Variants in CTNNA2 observed in about 807,000 individuals in gnomAD.
CTNNA2 encodes the protein catenin alpha 2.
Under a neutral mutation model 101.0 loss-of-function variants are expected in CTNNA2, and 42 were observed. The ratio of observed to expected loss-of-function variants is 0.42; its 90% CI spans 0.32 to 0.54. CTNNA2 has a LOEUF of 0.54. Among genes scored for constraint, CTNNA2 ranks in the 20% least tolerant of loss-of-function variants. The probability of loss-of-function intolerance (pLI) is 0.14; values close to 1 mark genes in which losing one functional copy is unlikely to be tolerated. For synonymous variants in CTNNA2, 450 were observed against 456.4 expected, an observed-to-expected ratio of 0.99 and a Z score of 0.18; for missense variants, 871 against 1,223.1, an observed-to-expected ratio of 0.71 and a Z score of 4.29.
In CTNNA2 at chr2:80,280,284, T is replaced by C. The variant is rs188354083; in HGVS notation, c.1057-112927T>C. Among the ~76,000 whole-genome samples the C allele has an allele frequency of 3.9e-4, 58 of 149,846 alleles. No individual in the cohort carries two copies. In the East Asian group the frequency reaches 8.3e-3, roughly 21 times the overall value. Reference sequence around the variant, plus strand: ...GAGTATGTGCTGGTGCTGATAGTAATAATTCATTATTTCTTTTGCCAACTG... The same window carrying C: ...GAGTATGTGCTGGTGCTGATAGTAACAATTCATTATTTCTTTTGCCAACTG... On this transcript the variant is annotated intron_variant, in intron 7 of 18. Coordinates refer to ENST00000402739, the MANE Select transcript of CTNNA2 (RefSeq NM_001282597.3).
chr2:80,242,955 C>T (rs1219048839), intron 7 of CTNNA2, among the ~76,000 whole-genome samples: 1 of 152,164 alleles, frequency 6.6e-6, no homozygotes, highest in Non-Finnish European at 1.5e-5. Flanking sequence ...GGGCCAGAAA[C>T]AGTTTCTGGA....
At chr2:80,569,442 T>G (rs1171970084) in intron 12 of CTNNA2, among the ~76,000 whole-genome samples, 2 of 151,956 alleles carry the variant, frequency 1.3e-5, no homozygotes, top group African/African-American at 2.4e-5. Context: ...GCCTACAGTT[T>G]TTGGATGTAA....
rs964897625 is a variant in CTNNA2 at position 80,302,707 on chromosome 2, G to T, written c.1057-90504G>T. On this transcript the variant is annotated intron_variant, in intron 7 of 18. Coordinates refer to ENST00000402739, the MANE Select transcript of CTNNA2 (RefSeq NM_001282597.3). The surrounding 1 kb of genome is among the most constrained non-coding windows in gnomAD (Gnocchi z 6.4). The stretch of plus-strand genomic sequence containing the variant: ...TGGTGACGGCCGAGAGCAGGTGGCC[G>T]CTGGTGGGCTCGGCCCCATCCTCGC... 5 of 1,612,688 alleles carry T rather than the reference G, an allele frequency of 3.1e-6. No individual in the cohort carries two copies. The highest frequency in any genetic ancestry group is 3.4e-6 in the Non-Finnish European group (4 of 1,179,770).
intron 2 of CTNNA2, among the ~76,000 whole-genome samples, chr2:79,654,467 A>T (rs1382026797): frequency 6.6e-5 from 10 of 152,196 alleles, no homozygotes; most frequent in Non-Finnish European, 1.0e-4. Context: ...TTTTAGAGCC[A>T]GTAGCACAAT....
intron 2 of CTNNA2, among the ~76,000 whole-genome samples, chr2:79,214,779 A>G (rs1674225700): frequency 6.6e-6 from 1 of 152,096 alleles, no homozygotes; most frequent in Admixed American, 6.5e-5. Context: ...TGGTTAAAAT[A>G]TCTCGGCCTA....
intron 7 of CTNNA2, among the ~76,000 whole-genome samples, chr2:80,049,330 A>G (rs1696723494): frequency 1.3e-5 from 2 of 152,176 alleles, no homozygotes; most frequent in South Asian, 4.1e-4. Context: ...ATCAACCGTC[A>G]TCTGAAAGAC....
intron 2 of CTNNA2, among the ~76,000 whole-genome samples, chr2:79,266,310 T>C (rs1244605369): frequency 6.6e-6 from 1 of 152,114 alleles, no homozygotes; most frequent in African/African-American, 2.4e-5. Flanking sequence ...AAGAACAAAT[T>C]CCCCAACTCC....
chr2:79,708,676 A>T (rs1036420407), intron 2 of CTNNA2, among the ~76,000 whole-genome samples: 2 of 134,786 alleles, frequency 1.5e-5, no homozygotes, highest in Admixed American at 1.4e-4. Context: ...AGGATAATTT[A>T]GGAGAACTCA....
intron 2 of CTNNA2, among the ~76,000 whole-genome samples, chr2:79,714,702 A>G (rs1345828332): frequency 2.0e-5 from 3 of 152,188 alleles, no homozygotes; most frequent in Non-Finnish European, 2.9e-5. Flanking sequence ...GTGGAGAGAA[A>G]GCTTTCATTT....
intron 2 of CTNNA2, among the ~76,000 whole-genome samples, chr2:79,308,512 T>A (rs1368967): frequency 0.18 from 27,217 of 152,176 alleles, 2,831 homozygotes; most frequent in African/African-American, 0.29. Context: ...GCTTGATATA[T>A]TCCCATTTGT....
At chr2:80,003,941 G>T (rs562488913) in intron 7 of CTNNA2, among the ~76,000 whole-genome samples, 20 of 152,232 alleles carry the variant, frequency 1.3e-4, no homozygotes, top group African/African-American at 4.8e-4. Flanking sequence ...TAAGGCTTGG[G>T]CATCACCCTG....
chr2:80,594,394 A>G (rs949568924), intron 15 of CTNNA2, among the ~76,000 whole-genome samples: 16 of 151,928 alleles, frequency 1.1e-4, no homozygotes, highest in Admixed American at 1.0e-3. Flanking sequence ...CCGGATATTA[A>G]TTTCTTATCA....
intron 3 of CTNNA2, among the ~76,000 whole-genome samples, chr2:79,745,446 A>C (rs1573856988): frequency 6.8e-6 from 1 of 147,886 alleles, no homozygotes; most frequent in Admixed American, 6.6e-5. Flanking sequence ...AAAAAAAAAT[A>C]AAATAAAAAG....
chr2:80,076,270 A>AT (rs1204836894), intron 7 of CTNNA2, among the ~76,000 whole-genome samples: 1 of 143,818 alleles, frequency 7.0e-6, no homozygotes, highest in East Asian at 2.0e-4. Flanking sequence ...TTTTTGCATC[A>AT]TTTTTTCCTT....
chr2:79,499,917 C>T (rs756942425), intron 4 of CTNNA2, among the ~76,000 whole-genome samples: 13 of 152,306 alleles, frequency 8.5e-5, no homozygotes, highest in Non-Finnish European at 1.5e-4. Context: ...GCAATATTGG[C>T]CAGCAGCCTG....
At position 79,758,840 on chromosome 2, in the gene CTNNA2, C is replaced by G. The variant is rs187478518; in HGVS notation, c.298+14258C>G. Among the ~76,000 whole-genome samples, 14 of 152,272 alleles carry G rather than the reference C, an allele frequency of 9.2e-5. No individual in the cohort carries two copies. The East Asian group carries it at 2.7e-3, about 29-fold the overall frequency. On this transcript the variant is annotated intron_variant, in intron 3 of 18. Coordinates refer to ENST00000402739, the MANE Select transcript of CTNNA2 (RefSeq NM_001282597.3). Reference sequence around the variant, plus strand: ...AGGTACCACATTTTCTATATCCAATCCACTGTTGATCAGTACCCAGGTTGA... The same window carrying G: ...AGGTACCACATTTTCTATATCCAATGCACTGTTGATCAGTACCCAGGTTGA...
rs533269668 is a variant in CTNNA2 at position 80,516,706 on chromosome 2, T to A, written c.1291-28276T>A. Among the ~76,000 whole-genome samples the A allele has an allele frequency of 2.6e-5, 4 of 152,332 alleles. No homozygotes were observed. The East Asian group carries it at 5.8e-4, about 22-fold the overall frequency. ...CAGGATTAACCATTCACAGTCCTGA[T>A]CATCTATGTTTAGTTCTCTCTGTAG... On this transcript the variant is annotated intron_variant, in intron 9 of 18. Coordinates refer to ENST00000402739, the MANE Select transcript of CTNNA2 (RefSeq NM_001282597.3).
chr2:79,397,570 T>C (rs1489384362), intron 4 of CTNNA2, among the ~76,000 whole-genome samples: 3 of 152,188 alleles, frequency 2.0e-5, no homozygotes, highest in African/African-American at 7.2e-5. Context: ...TTATACGTTT[T>C]TATTTTCCTT....
At chr2:80,396,371 C>T (rs186731352) in intron 8 of CTNNA2, among the ~76,000 whole-genome samples, 4 of 152,302 alleles carry the variant, frequency 2.6e-5, no homozygotes, top group Admixed American at 6.5e-5. Context: ...GGGATGATAA[C>T]TGCCAGCTTT....
Sources: allele counts gnomAD v4.1 joint callset (sites outside exome capture counted in the v4.1 genomes callset), GRCh38; gene constraint gnomAD v4.1.1; non-coding constraint Gnocchi (gnomAD v3.1); transcripts MANE v1.5; gene names NCBI Gene and HGNC (gene_info 2026-07-23, HGNC 2026-07-21).